Variants in C2orf66 observed in about 807,000 individuals in gnomAD.
C2orf66 encodes chromosome 2 open reading frame 66.
Under a neutral mutation model 7.0 loss-of-function variants are expected in C2orf66, and 6 were observed. The observed-to-expected ratio is 0.86, with a 90% CI of 0.47 to 1.69. The LOEUF (loss-of-function observed/expected upper bound fraction) is 1.69, where lower values mean the gene tolerates loss of function less well. Among genes scored for constraint, C2orf66 ranks in the 40% most tolerant of loss-of-function variants. The probability of loss-of-function intolerance (pLI) is 0.01; values close to 1 mark genes in which losing one functional copy is unlikely to be tolerated. For synonymous variants in C2orf66, 38 were observed against 43.8 expected (o/e 0.87, Z 0.52); for missense variants, 107 against 112.0 (o/e 0.96, Z 0.20).
At position 196,809,325 on chromosome 2, in the gene C2orf66, T is replaced by G. The variant is rs189491075; in HGVS notation, c.12A>C (p.Ala4=). 1 of 1,613,820 alleles carries G rather than the reference T, an allele frequency of 6.2e-7. No individual in the cohort carries two copies. Among genetic ancestry groups the G allele is most frequent in the Non-Finnish European group, 8.5e-7 (1 of 1,179,908 alleles). The change falls in exon 1 of 3, where the codon GCA becomes GCC. Residue 4 remains alanine, a synonymous_variant. Transcript: ENST00000342506. The part of the protein sequence containing the change: MTR[A]PLLLLCVALV... ...GGGCAACACATAGTAGCAGGAGAGG[T>G]GCTCTGGTCATGGTGGAGTGAAGCT...
chr2:196,818,975 G>A, the C2orf66 span, among the ~76,000 whole-genome samples: 1 of 152,082 alleles, frequency 6.6e-6, no homozygotes, highest in African/African-American at 2.4e-5. Context: ...GTGATGTAAA[G>A]GCTCTCAATA....
At chr2:196,822,291 G>C in the C2orf66 span, among the ~76,000 whole-genome samples, 8 of 152,218 alleles carry the variant, frequency 5.3e-5, no homozygotes, top group East Asian at 5.8e-4. Context: ...CCTCCAAAAT[G>C]ATAGTTCATT....
At chr2:196,815,141 T>G in the C2orf66 span, among the ~76,000 whole-genome samples, 1 of 151,980 alleles carries the variant, frequency 6.6e-6, no homozygotes, top group East Asian at 1.9e-4. Context: ...TCTTTTTTTT[T>G]TCTTTTTTTG....
At chr2:196,809,155 C>A in intron 1 of C2orf66, 59 bp downstream of exon 1, 1 of 1,509,284 alleles carries the variant, frequency 6.6e-7, no homozygotes, top group South Asian at 1.3e-5. Flanking sequence ...ATGCTGTGTG[C>A]GTAAATCCAA....
chr2:196,817,717 G>A, the C2orf66 span, among the ~76,000 whole-genome samples: 1 of 152,094 alleles, frequency 6.6e-6, no homozygotes, highest in African/African-American at 2.4e-5. Context: ...CACTCCCAGA[G>A]CGGCCATTTA....
chr2:196,819,262 G>A, the C2orf66 span, among the ~76,000 whole-genome samples: 1 of 152,056 alleles, frequency 6.6e-6, no homozygotes, highest in Non-Finnish European at 1.5e-5. Context: ...TTCATATCTT[G>A]AAAACCTAAC....
chr2:196,806,988 C>T (rs1223352982), intron 2 of C2orf66, among the ~76,000 whole-genome samples: 1 of 152,132 alleles, frequency 6.6e-6, no homozygotes, highest in Non-Finnish European at 1.5e-5. Context: ...CAAATATATG[C>T]ATAATACTTT....
chr2:196,826,430 CTGAGA>C, the C2orf66 span, among the ~76,000 whole-genome samples: 3 of 152,080 alleles, frequency 2.0e-5, no homozygotes, highest in African/African-American at 7.2e-5. Flanking sequence ...TCAAAAAAGT[CTGAGA>C]TGATTTTCCA....
At chr2:196,820,301 G>A in the C2orf66 span, among the ~76,000 whole-genome samples, 1 of 151,982 alleles carries the variant, frequency 6.6e-6, no homozygotes, top group Admixed American at 6.6e-5. Context: ...GCCCTATTTG[G>A]TGCATCCTGC....
At chr2:196,827,890 C>T in the C2orf66 span, among the ~76,000 whole-genome samples, 3 of 152,098 alleles carry the variant, frequency 2.0e-5, no homozygotes, top group Non-Finnish European at 2.9e-5. Flanking sequence ...CTCTGCAAAA[C>T]CTGAAGCTTT....
the C2orf66 span, among the ~76,000 whole-genome samples, chr2:196,829,462 G>A: frequency 2.2e-4 from 33 of 151,978 alleles, no homozygotes; most frequent in Non-Finnish European, 3.8e-4. Context: ...GGTGGCAGAC[G>A]CCTGTAATCC....
At position 196,804,708 on chromosome 2, in the gene C2orf66, C is replaced by T. The variant is rs574201770; in HGVS notation, c.*720G>A. Among the ~76,000 whole-genome samples, 18 of 152,294 alleles carry T rather than the reference C, an allele frequency of 1.2e-4. No individual in the cohort carries two copies. In the South Asian group the frequency reaches 3.7e-3, roughly 32 times the overall value. ...AAATCACCTGTTTCTACTTTTCCTT[C>T]CTGAGGAGGTTGTGTATGAGAGCAA... is the stretch of plus-strand genomic sequence containing the variant. On this transcript the variant is annotated 3_prime_UTR_variant, in exon 3 of 3. Coordinates refer to ENST00000342506, the MANE Select transcript of C2orf66 (RefSeq NM_213608.3).
At chr2:196,830,858 A>G in the C2orf66 span, among the ~76,000 whole-genome samples, 2 of 152,046 alleles carry the variant, frequency 1.3e-5, no homozygotes, top group African/African-American at 4.8e-5. Flanking sequence ...GGTGAGCATG[A>G]TAGGGGGTCC....
At chr2:196,823,623 T>C in the C2orf66 span, among the ~76,000 whole-genome samples, 1 of 105,482 alleles carries the variant, frequency 9.5e-6, no homozygotes, top group Admixed American at 8.3e-5. Context: ...TGAGACCCTG[T>C]CTCAAACAAA....
the C2orf66 span, among the ~76,000 whole-genome samples, chr2:196,825,768 T>C: frequency 1.3e-5 from 2 of 152,130 alleles, no homozygotes; most frequent in Non-Finnish European, 2.9e-5. Flanking sequence ...TACCAACAAT[T>C]TATAAATGGA....
the C2orf66 span, among the ~76,000 whole-genome samples, chr2:196,823,697 G>A: frequency 6.6e-6 from 1 of 151,902 alleles, no homozygotes; most frequent in Non-Finnish European, 1.5e-5. Context: ...AATTTCAACA[G>A]TAATTTGATA....
At chr2:196,830,862 G>C in the C2orf66 span, among the ~76,000 whole-genome samples, 17 of 152,162 alleles carry the variant, frequency 1.1e-4, no homozygotes, top group South Asian at 3.5e-3. Flanking sequence ...AGCATGATAG[G>C]GGGTCCCAGG....
the C2orf66 span, among the ~76,000 whole-genome samples, chr2:196,821,031 G>T: frequency 6.6e-6 from 1 of 152,222 alleles, no homozygotes; most frequent in Admixed American, 6.5e-5. Flanking sequence ...TTGTCTTTAA[G>T]AGAGGCAGGG....
At chr2:196,812,685 C>A (rs1478404597), upstream of C2orf66, among the ~76,000 whole-genome samples, 1 of 152,174 alleles carries the variant, frequency 6.6e-6, no homozygotes, top group Non-Finnish European at 1.5e-5. Flanking sequence ...TAGAAAACCC[C>A]ATTGTCTCAG....
Sources: gnomAD v4.1 joint callset for allele counts (sites outside exome capture counted in the v4.1 genomes callset) on GRCh38, gnomAD v4.1.1 for gene constraint, MANE v1.5 for transcripts, NCBI Gene and HGNC (gene_info 2026-07-23, HGNC 2026-07-21) for gene names.